Variants in EIF1 observed in about 807,000 individuals in gnomAD.
EIF1 encodes eukaryotic translation initiation factor 1.
Under a neutral mutation model 13.7 loss-of-function variants are expected in EIF1, and 4 were observed. The ratio of observed to expected loss-of-function variants is 0.29; its 90% CI spans 0.14 to 0.67. The LOEUF (loss-of-function observed/expected upper bound fraction) is 0.67, where lower values mean the gene tolerates loss of function less well. EIF1 is among the 30% of genes least tolerant of loss of function. The pLI, the probability that EIF1 is intolerant of heterozygous loss-of-function variation, is 0.77. For synonymous variants in EIF1, 67 were observed against 50.7 expected (o/e 1.32, Z -1.37); for missense variants, 64 against 138.0 (o/e 0.46, Z 2.69).
chr17:41,691,380 C>A lies in EIF1; in HGVS notation c.*554C>A. On this transcript the variant is annotated 3_prime_UTR_variant, in exon 4 of 4. Coordinates refer to ENST00000469257, the MANE Select transcript of EIF1 (RefSeq NM_005801.4). ...ATCTGGCTTGCCACAAAGGTCTGTT[C>A]GACCAGACATATCCTAGCTAAGGGA... The A allele has an allele frequency of 6.1e-6, 1 of 164,990 alleles. No individual in the cohort carries two copies. The highest frequency in any genetic ancestry group is 1.3e-5 in the Non-Finnish European group (1 of 76,582). The allele number at this position is 164,990 out of a possible 1,614,324, so 10.2% of individuals were successfully genotyped here.
At chr17:41,690,676 G>C (rs918775179) in intron 3 of EIF1, 106 bp from the exon 4 acceptor site, 2 of 1,256,238 alleles carry the variant, frequency 1.6e-6, no homozygotes, top group Non-Finnish European at 2.3e-6. Flanking sequence ...CGCACCCCTG[G>C]CTCTTGGGCA....
chr17:41,691,061 T>C lies in EIF1; in HGVS notation c.*235T>C. 1.7e-6 allele frequency: 1 copy of C among 576,524 alleles called. No homozygotes were observed. Among genetic ancestry groups the C allele is most frequent in the East Asian group, 2.8e-5 (1 of 36,054 alleles). The allele number at this position is 576,524 out of a possible 1,614,324, so 35.7% of individuals were successfully genotyped here. The stretch of plus-strand genomic sequence containing the variant: ...GTCAAGCAATAGGCGCCTGGCAGTG[T>C]CAAGCCTGAAACCAAGCAATACCGT... On this transcript the variant is annotated 3_prime_UTR_variant, in exon 4 of 4. Transcript: ENST00000469257.
At position 41,690,805 on chromosome 17, in the gene EIF1, G is replaced by A. The variant is rs1182875533; in HGVS notation, c.321G>A (p.Gln107=). 1 of 1,613,916 alleles carries A rather than the reference G, an allele frequency of 6.2e-7. No homozygotes were observed. The highest frequency in any genetic ancestry group is 8.5e-7 in the Non-Finnish European group (1 of 1,179,864). ...AGATTGGACTGGCTAAGGACGATCA[G>A]CTGAAGGTTCATGGGTTTTAAGTGC... ...LVEIGLAKDD[Q]LKVHGF The change falls in exon 4 of 4, where the codon CAG becomes CAA. Residue 107 remains glutamine, a synonymous_variant. Coordinates refer to ENST00000469257, the MANE Select transcript of EIF1 (RefSeq NM_005801.4).
intron 2 of EIF1, 60 bp downstream of exon 2, chr17:41,690,001 G>C (rs1910325597): frequency 1.2e-6 from 2 of 1,611,788 alleles, no homozygotes; most frequent in Non-Finnish European, 1.7e-6. Context: ...GGGGGTGCCA[G>C]CTGTGTTGTA....
rs578139050 is a variant in EIF1, at chr17:41,688,920, G to A, written c.-119G>A. 14 of 1,015,302 alleles carry A rather than the reference G, an allele frequency of 1.4e-5. No homozygotes were observed. Among genetic ancestry groups the A allele is most frequent in the Non-Finnish European group, 1.6e-5 (11 of 673,800 alleles). 62.9% of individuals were successfully genotyped at this position (1,015,302 alleles called of 1,614,324 possible). ...CTGAGCCGCCGCCGAGGATTCAGCA[G>A]CCTCCCCCTTGAGCCCCCTCGCTTC... is the stretch of plus-strand genomic sequence containing the variant. On this transcript the variant is annotated 5_prime_UTR_variant, in exon 1 of 4. Coordinates refer to ENST00000469257, the MANE Select transcript of EIF1 (RefSeq NM_005801.4).
In EIF1 at chr17:41,690,096, C is replaced by T; in HGVS notation, c.204C>T (p.Ala68=). Reference sequence around the variant, plus strand: ...TTCCTTTGTGCTTGCAGAAGTTTGCCTGCAATGGTACTGTAATTGAGCATC... The same window carrying T: ...TTCCTTTGTGCTTGCAGAAGTTTGCTTGCAATGGTACTGTAATTGAGCATC... ...KLVKAFKKKF[A]CNGTVIEHPE... is the part of the protein sequence containing the mutation. Residue 68 remains alanine (A), a synonymous_variant, in exon 3 of 4, where the codon GCC becomes GCT. Transcript: ENST00000469257. The T allele has an allele frequency of 1.9e-6, 3 of 1,614,126 alleles. No individual in the cohort carries two copies. The highest frequency in any genetic ancestry group is 1.1e-5 in the South Asian group (1 of 91,068).
Position 41,688,935 on chromosome 17 carries a change from C to A in EIF1, c.-104C>A, listed in dbSNP as rs1452978854. Reference sequence around the variant, plus strand: ...GGATTCAGCAGCCTCCCCCTTGAGCCCCCTCGCTTCCCGACGTTCCGTTCC... The same window carrying A: ...GGATTCAGCAGCCTCCCCCTTGAGCACCCTCGCTTCCCGACGTTCCGTTCC... On this transcript the variant is annotated 5_prime_UTR_variant, in exon 1 of 4. Coordinates refer to ENST00000469257, the MANE Select transcript of EIF1 (RefSeq NM_005801.4). 22 of 1,202,038 alleles carry A rather than the reference C, an allele frequency of 1.8e-5. No homozygotes were observed. Among genetic ancestry groups the A allele is most frequent in the African/African-American group, 1.5e-5 (1 of 67,250 alleles). The allele number at this position is 1,202,038 out of a possible 1,614,324, so 74.5% of individuals were successfully genotyped here.
chr17:41,690,980 C>A lies in EIF1; in HGVS notation c.*154C>A, dbSNP rs1804484. 1.6e-5 allele frequency: 12 copies of A among 745,688 alleles called. No individual in the cohort carries two copies. Among genetic ancestry groups the A allele is most frequent in the Non-Finnish European group, 2.7e-5 (12 of 446,956 alleles). 46.2% of individuals were successfully genotyped at this position (745,688 alleles called of 1,614,324 possible). On this transcript the variant is annotated 3_prime_UTR_variant, in exon 4 of 4. Transcript: ENST00000469257. ...CTTGGACTAGTGTAACTCCTTCATG[C>A]AATAAACTGAAAAGAGCCATGCTGT...
chr17:41,689,499 C>T (rs1910304618), intron 1 of EIF1: 3 of 458,342 alleles, frequency 6.5e-6, no homozygotes, highest in South Asian at 6.3e-5. Flanking sequence ...CGGCGGGTTG[C>T]ATCAGCTGGG....
In EIF1 at chr17:41,689,299, G is replaced by C. The variant is rs1910293940; in HGVS notation, c.31+230G>C. 3.3e-6 allele frequency: 2 copies of C among 602,022 alleles called. 1 individual carries two copies. Among genetic ancestry groups the C allele is most frequent in the South Asian group, 4.0e-5 (2 of 50,408 alleles). The allele number at this position is 602,022 out of a possible 1,614,324, so 37.3% of individuals were successfully genotyped here. On this transcript the variant is annotated intron_variant, in intron 1 of 3. Transcript: ENST00000469257. Reference sequence around the variant, plus strand: ...GCCCTTGGGCGGGCCCGGCGTCTCAGTGGCGCATTTACTAATGGCTCCTGG... The same window carrying C: ...GCCCTTGGGCGGGCCCGGCGTCTCACTGGCGCATTTACTAATGGCTCCTGG...
chr17:41,690,587 A>G, intron 3 of EIF1, 195 bp from the exon 4 acceptor site: 3 of 599,516 alleles, frequency 5.0e-6, no homozygotes, highest in East Asian at 2.8e-5. Context: ...TCATTCTCAC[A>G]CTAATTCAGA....
At chr17:41,689,111 G>A (rs768704712) in intron 1 of EIF1, 42 bp downstream of exon 1, 11 of 1,607,468 alleles carry the variant, frequency 6.8e-6, no homozygotes, top group Admixed American at 3.4e-5. Flanking sequence ...GGGGCAGCGG[G>A]GCCTTCCGGG....
intron 1 of EIF1, 188 bp downstream of exon 1, chr17:41,689,257 G>C: frequency 1.5e-6 from 1 of 672,854 alleles, no homozygotes; most frequent in Non-Finnish European, 2.5e-6. Context: ...CGACCGGAAG[G>C]AGCAGGCGGT....
rs1012878542 is a variant in EIF1 at position 41,692,470 on chromosome 17, C to T, written c.*1644C>T. ...TTAAAAAGGCAAAGTTCTTTCAGCACACATATCTGCATGCAGTCACGTGCT... is the reference window on the plus strand; with the variant it reads ...TTAAAAAGGCAAAGTTCTTTCAGCATACATATCTGCATGCAGTCACGTGCT... On this transcript the variant is annotated 3_prime_UTR_variant, in exon 4 of 4. Coordinates refer to ENST00000469257, the MANE Select transcript of EIF1 (RefSeq NM_005801.4). 1 of 149,856 alleles carries T rather than the reference C, an allele frequency of 6.7e-6. No individual in the cohort carries two copies. The highest frequency in any genetic ancestry group is 6.6e-5 in the Admixed American group (1 of 15,208). The allele number at this position is 149,856 out of a possible 1,614,324, so 9.3% of individuals were successfully genotyped here.
intron 3 of EIF1, 31 bp from the exon 4 acceptor site, chr17:41,690,751 C>T (rs1407479898): frequency 6.2e-7 from 1 of 1,613,234 alleles, no homozygotes; most frequent in Non-Finnish European, 8.5e-7. Context: ...CCCTGTCCCC[C>T]ATTTAAAACT....
intron 1 of EIF1, chr17:41,689,378 G>C (rs1910299288): frequency 1.9e-6 from 1 of 537,546 alleles, no homozygotes; most frequent in Non-Finnish European, 3.3e-6. Context: ...CGTCCGTTAC[G>C]TCACCACCCG....
Sources: gnomAD v4.1 joint callset for allele counts on GRCh38, gnomAD v4.1.1 for gene constraint, MANE v1.5 for transcripts, NCBI Gene and HGNC (gene_info 2026-07-23, HGNC 2026-07-21) for gene names.